SNX25: variants seen among roughly 807,000 people sequenced by gnomAD.
The protein encoded by SNX25 is sorting nexin-25.
SNX25 carries 62 observed loss-of-function variants against 113.7 expected under a neutral mutation model. The observed-to-expected ratio is 0.55, with a 90% CI of 0.44 to 0.67. SNX25 has a LOEUF of 0.67. SNX25 is among the 30% of genes least tolerant of loss of function. The pLI, the probability that SNX25 is intolerant of heterozygous loss-of-function variation, is 0.00. For missense variants in SNX25, 1,014 were observed against 1,161.0 expected, an observed-to-expected ratio of 0.87 and a Z score of 1.84; for synonymous variants, 421 against 436.2, an observed-to-expected ratio of 0.97 and a Z score of 0.43.
chr4:185,210,158 T>G lies in SNX25; in HGVS notation c.332T>G (p.Phe111Cys), dbSNP rs1737505148. The G allele has an allele frequency of 2.0e-6, 2 of 984,058 alleles. No homozygotes were observed. Among genetic ancestry groups the G allele is most frequent in the Admixed American group, 6.2e-5 (1 of 16,130 alleles). The allele number at this position is 984,058 out of a possible 1,614,324, so 61.0% of individuals were successfully genotyped here. ...GCCGCCTTCCTGCTGGGGATCCTGT[T>G]TGCCCTCGTCTGCCGGAGCCCGCGC... Reference protein sequence around the residue: ...AAAAFLLGILFALVCRSPRAQ... With the variant: ...AAAAFLLGILCALVCRSPRAQ... Residue 111 changes from phenylalanine to cysteine, a missense_variant, in exon 1 of 19, where the codon TTT becomes TGT. Phe to Cys is a radical substitution (Grantham distance 205, BLOSUM62 -2). Coordinates refer to ENST00000652585, the MANE Select transcript of SNX25 (RefSeq NM_001378034.2). The surrounding 1 kb of genome is among the most constrained non-coding windows in gnomAD (Gnocchi z 4.4).
At position 185,303,147 on chromosome 4, in the gene SNX25, G is replaced by A. The variant is rs982743318; in HGVS notation, c.1163-7488G>A. 7.2e-5 allele frequency among the ~76,000 whole-genome samples: 11 copies of A among 152,098 alleles called. No individual in the cohort carries two copies. In the East Asian group the frequency reaches 7.7e-4, roughly 11 times the overall value. ...CTTGAGCCCAAGTCTCCTGAGTTTC[G>A]TCCTGGGCTCCTGCTCACAACAAGC... On this transcript the variant is annotated intron_variant, in intron 6 of 18. Coordinates refer to ENST00000652585, the MANE Select transcript of SNX25 (RefSeq NM_001378034.2).
intron 5 of SNX25, among the ~76,000 whole-genome samples, chr4:185,287,480 G>A (rs1186368335): frequency 1.3e-5 from 2 of 152,184 alleles, no homozygotes; most frequent in African/African-American, 2.4e-5. Flanking sequence ...ATTTAAGACG[G>A]CACCATCCAG....
At chr4:185,244,034 G>A (rs1744473369) in intron 1 of SNX25, among the ~76,000 whole-genome samples, 1 of 152,102 alleles carries the variant, frequency 6.6e-6, no homozygotes, top group Non-Finnish European at 1.5e-5. Context: ...GTCTTGCTAT[G>A]TTGCCCAGGC....
At chr4:185,279,409 T>C (rs1013516048) in intron 5 of SNX25, among the ~76,000 whole-genome samples, 1 of 152,186 alleles carries the variant, frequency 6.6e-6, no homozygotes, top group East Asian at 1.9e-4. Context: ...CATGCCTTAG[T>C]CTTTCTGTGG....
chr4:185,210,926 A>G lies in SNX25; in HGVS notation c.429+671A>G, dbSNP rs960389276. On this transcript the variant is annotated intron_variant, in intron 1 of 18. Transcript: ENST00000652585. This position sits in a 1 kb window ranked among gnomAD's most constrained non-coding sequence, Gnocchi z 4.4. ...GGGGTTAGGGAATGTAGGAAAGAAC[A>G]GTGTTTTAAATGAGCGCTTCTCTTC... Among the ~76,000 whole-genome samples, 3 of 152,044 alleles carry G rather than the reference A, an allele frequency of 2.0e-5. No individual in the cohort carries two copies. The highest frequency in any genetic ancestry group is 7.2e-5 in the African/African-American group (3 of 41,396).
In SNX25 at chr4:185,315,034, C is replaced by T. The variant is rs551450777; in HGVS notation, c.1344+4218C>T. Among the ~76,000 whole-genome samples, 31 of 151,684 alleles carry T rather than the reference C, an allele frequency of 2.0e-4. 1 individual carries two copies. The highest frequency in any genetic ancestry group is 1.4e-3 in the Admixed American group (22 of 15,258). ...ACGAGGTCAGGAGATCGAGACCATC[C>T]TGGCTAACACAGTGAAACCCCGTCT... is the stretch of plus-strand genomic sequence containing the variant. On this transcript the variant is annotated intron_variant, in intron 7 of 18. Coordinates refer to ENST00000652585, the MANE Select transcript of SNX25 (RefSeq NM_001378034.2).
chr4:185,262,613 C>G (rs1035648954), intron 3 of SNX25, among the ~76,000 whole-genome samples: 2 of 152,192 alleles, frequency 1.3e-5, no homozygotes, highest in East Asian at 3.8e-4. Flanking sequence ...GTGACTTTGA[C>G]AGTTCACATA....
chr4:185,306,418 G>A (rs1199664395), intron 6 of SNX25, among the ~76,000 whole-genome samples: 1 of 152,212 alleles, frequency 6.6e-6, no homozygotes. Context: ...ACATTTAAGC[G>A]GAGCACCAAA....
At chr4:185,277,561 C>T (rs964175004) in intron 5 of SNX25, among the ~76,000 whole-genome samples, 3 of 151,872 alleles carry the variant, frequency 2.0e-5, no homozygotes, top group South Asian at 2.1e-4. Context: ...CGTCACTGAA[C>T]GTGGACTTGG....
chr4:185,226,608 G>A (rs756660222), intron 1 of SNX25, among the ~76,000 whole-genome samples: 20 of 152,076 alleles, frequency 1.3e-4, no homozygotes, highest in South Asian at 4.2e-4. Flanking sequence ...GTGCCACCAC[G>A]CCCTGCTAAT....
At chr4:185,237,723 G>A (rs577819703) in intron 1 of SNX25, among the ~76,000 whole-genome samples, 3 of 151,388 alleles carry the variant, frequency 2.0e-5, no homozygotes, top group Non-Finnish European at 2.9e-5. Context: ...TGGAGATATC[G>A]TCCAAAATTC....
chr4:185,257,562 C>T (rs544943414), intron 2 of SNX25, among the ~76,000 whole-genome samples: 1 of 152,252 alleles, frequency 6.6e-6, no homozygotes, highest in South Asian at 2.1e-4. Flanking sequence ...ATATTGATTA[C>T]ATTTTGAAAT....
chr4:185,350,163 G>C (rs181821241), intron 13 of SNX25, among the ~76,000 whole-genome samples: 276 of 152,288 alleles, frequency 1.8e-3, no homozygotes, highest in African/African-American at 6.0e-3. Context: ...TGTCCCCAGC[G>C]GGGCAGTATT....
chr4:185,337,828 TA>T (rs2095239603), intron 10 of SNX25, among the ~76,000 whole-genome samples: 2 of 152,232 alleles, frequency 1.3e-5, no homozygotes, highest in South Asian at 4.1e-4. Context: ...TTATATTTCT[TA>T]TTTCATAACC....
At chr4:185,361,702 C>T (rs2095365032) in intron 16 of SNX25, among the ~76,000 whole-genome samples, 1 of 152,148 alleles carries the variant, frequency 6.6e-6, no homozygotes. Context: ...CACACCACTG[C>T]ACCCCAGCCT....
chr4:185,261,114 C>CTGTGTGTGTGTGTGTG (rs369434936), intron 3 of SNX25, among the ~76,000 whole-genome samples: 30 of 141,656 alleles, frequency 2.1e-4, no homozygotes, highest in African/African-American at 4.0e-4. Flanking sequence ...CTGTCTGTCT[C>CTGTGTGTGTGTGTGTG]TGTGTGTGTG....
downstream of SNX25, among the ~76,000 whole-genome samples, chr4:185,368,140 T>A (rs761185400): frequency 2.0e-5 from 3 of 152,186 alleles, no homozygotes; most frequent in South Asian, 2.1e-4. Flanking sequence ...ATTGCGCCAC[T>A]GCACTCCAGC....
chr4:185,240,427 G>A (rs561822828), intron 1 of SNX25, among the ~76,000 whole-genome samples: 4,429 of 145,110 alleles, frequency 0.031, 100 homozygotes, highest in African/African-American at 0.06. Flanking sequence ...CGGATGGGGC[G>A]GCTGGCCGGG....
At chr4:185,226,250 C>T (rs1287460684) in intron 1 of SNX25, among the ~76,000 whole-genome samples, 9 of 152,116 alleles carry the variant, frequency 5.9e-5, no homozygotes, top group South Asian at 2.1e-4. Flanking sequence ...ACTTTTTCTG[C>T]GGCTGTATTA....
Sources: allele counts gnomAD v4.1 joint callset (sites outside exome capture counted in the v4.1 genomes callset), GRCh38; gene constraint gnomAD v4.1.1; non-coding constraint Gnocchi (gnomAD v3.1); transcripts MANE v1.5; gene names NCBI Gene and HGNC (gene_info 2026-07-23, HGNC 2026-07-21).